KIF19: variants seen among roughly 807,000 people sequenced by gnomAD.
The protein encoded by KIF19 is kinesin-like protein KIF19.
KIF19 carries 98 observed loss-of-function variants against 106.6 expected under a neutral mutation model. The observed-to-expected ratio is 0.92, with a 90% CI of 0.78 to 1.09. The LOEUF (loss-of-function observed/expected upper bound fraction) is 1.09. Among genes scored for constraint, KIF19 ranks in the 50% least tolerant of loss-of-function variants. The pLI, the probability that KIF19 is intolerant of heterozygous loss-of-function variation, is 0.00. For missense variants in KIF19, 1,373 were observed against 1,414.3 expected, an observed-to-expected ratio of 0.97 and a Z score of 0.47; for synonymous variants, 516 against 584.2, an observed-to-expected ratio of 0.88 and a Z score of 1.68.
At chr17:74,342,999 C>T in intron 4 of KIF19, 25 bp from the exon 5 acceptor site, 1 of 1,475,180 alleles carries the variant, frequency 6.8e-7, no homozygotes, top group East Asian at 2.3e-5. Context: ...CCACCCCGGT[C>T]ACCCTCCACC....
intron 1 of KIF19, among the ~76,000 whole-genome samples, chr17:74,328,084 G>A (rs1202252164): frequency 6.6e-6 from 1 of 152,162 alleles, no homozygotes; most frequent in African/African-American, 2.4e-5. Flanking sequence ...CGTCATTCGC[G>A]GAAACACAGA....
chr17:74,344,376 C>G (rs1253641861), intron 6 of KIF19, 28 bp downstream of exon 6: 1 of 1,606,922 alleles, frequency 6.2e-7, no homozygotes. Flanking sequence ...AGCCTGGAGC[C>G]GCTGAGAGGA....
chr17:74,341,925 C>A lies in KIF19; in HGVS notation c.170C>A (p.Ala57Glu). 1 of 1,612,866 alleles carries A rather than the reference C, an allele frequency of 6.2e-7. No individual in the cohort carries two copies. Among genetic ancestry groups the A allele is most frequent in the Non-Finnish European group, 8.5e-7 (1 of 1,179,154 alleles). ...PMEDPDDILR[A>E]HRSREKSYLF... ...GAGGATCCCGACGACATCCTGCGGG[C>A]GCATCGCTCCCGGGAGAAGTCCTAC... The change falls in exon 3 of 20, where the codon GCG becomes GAG. Residue 57 changes from alanine (A) to glutamate (E), a missense_variant. Ala to Glu is a moderately radical substitution (Grantham distance 107). Coordinates refer to ENST00000389916, the MANE Select transcript of KIF19 (RefSeq NM_153209.4).
At chr17:74,333,543 G>A (rs370972345) in intron 2 of KIF19, among the ~76,000 whole-genome samples, 1 of 152,046 alleles carries the variant, frequency 6.6e-6, no homozygotes, top group African/African-American at 2.4e-5. Context: ...TGTATTTTTA[G>A]TAGAGACGGG....
chr17:74,327,866 A>T (rs2053957020), intron 1 of KIF19, among the ~76,000 whole-genome samples: 2 of 151,992 alleles, frequency 1.3e-5, no homozygotes, highest in Admixed American at 6.5e-5. Context: ...TCCCCACTCC[A>T]CCCTGTTCTT....
At position 74,331,513 on chromosome 17, in the gene KIF19, G is replaced by A. The variant is rs570786868; in HGVS notation, c.120+3008G>A. 3.9e-5 allele frequency among the ~76,000 whole-genome samples: 6 copies of A among 152,220 alleles called. No homozygotes were observed. The highest frequency in any genetic ancestry group is 3.9e-4 in the East Asian group (2 of 5,170). On this transcript the variant is annotated intron_variant, in intron 2 of 19. Transcript: ENST00000389916. This position sits in a 1 kb window ranked among gnomAD's most constrained non-coding sequence, Gnocchi z 4.1. ...GGCAGAAGGGGACATTCCCACAGGC[G>A]GAGAGTCCTCTGGGACAGGAACCCA...
In KIF19 at chr17:74,346,117, G is replaced by T. The variant is rs1487001655; in HGVS notation, c.778-261G>T. Among the ~76,000 whole-genome samples the T allele has an allele frequency of 6.6e-6, 1 of 152,212 alleles. No homozygotes were observed. Among genetic ancestry groups the T allele is most frequent in the Non-Finnish European group, 1.5e-5 (1 of 68,036 alleles). ...TCTCATCCATGGCACTGTGTGTCAGGCCGTGCCACGGCACCTGCCCTGAGG... is the reference window on the plus strand; with the variant it reads ...TCTCATCCATGGCACTGTGTGTCAGTCCGTGCCACGGCACCTGCCCTGAGG... On this transcript the variant is annotated intron_variant, in intron 7 of 19. Transcript: ENST00000389916. The surrounding 1 kb of genome is among the most constrained non-coding windows in gnomAD (Gnocchi z 4.6).
intron 12 of KIF19, chr17:74,351,130 G>A: frequency 1.7e-6 from 1 of 573,956 alleles, no homozygotes; most frequent in Middle Eastern, 4.7e-4. Flanking sequence ...TTGCTGGGAA[G>A]ATTACATAAA....
intron 3 of KIF19, 137 bp from the exon 4 acceptor site, chr17:74,342,493 A>T: frequency 3.3e-6 from 2 of 601,398 alleles, no homozygotes; most frequent in Non-Finnish European, 5.9e-6. Flanking sequence ...CCCCTCCCCC[A>T]CCCCCCACCC....
chr17:74,328,163 A>T (rs928871806), intron 1 of KIF19, among the ~76,000 whole-genome samples: 3 of 152,266 alleles, frequency 2.0e-5, no homozygotes, highest in Admixed American at 1.3e-4. Flanking sequence ...TTTGGGCGTG[A>T]GGCTGAGGCA....
At chr17:74,336,192 C>T (rs2054216335) in intron 2 of KIF19, among the ~76,000 whole-genome samples, 1 of 152,184 alleles carries the variant, frequency 6.6e-6, no homozygotes, top group Non-Finnish European at 1.5e-5. Context: ...CCTCAGCCTC[C>T]CAAGTAGCTG....
At chr17:74,327,181 G>T (rs771223638) in intron 1 of KIF19, among the ~76,000 whole-genome samples, 1 of 152,180 alleles carries the variant, frequency 6.6e-6, no homozygotes, top group African/African-American at 2.4e-5. Context: ...CAGAAGGTGG[G>T]CAGTAAGGTA....
chr17:74,350,531 G>A lies in KIF19; in HGVS notation c.1344G>A (p.Met448Ile). Reference sequence around the variant, plus strand: ...TGCTGGAGCTGGAGAACCGCGCCATGGAGGTCCAGATTGACACCTCCCGAC... The same window carrying A: ...TGCTGGAGCTGGAGAACCGCGCCATAGAGGTCCAGATTGACACCTCCCGAC... ...RRLLELENRAMEVQIDTSRHL... is the reference protein window; with the variant it reads ...RRLLELENRAIEVQIDTSRHL... Residue 448 changes from methionine (M) to isoleucine (I), a missense_variant, in exon 11 of 20, where the codon ATG becomes ATA. Met to Ile is a conservative substitution (Grantham distance 10). Coordinates refer to ENST00000389916, the MANE Select transcript of KIF19 (RefSeq NM_153209.4). The A allele has an allele frequency of 6.2e-7, 1 of 1,612,944 alleles. No individual in the cohort carries two copies. The highest frequency in any genetic ancestry group is 8.5e-7 in the Non-Finnish European group (1 of 1,179,852).
At chr17:74,345,083 C>T in intron 7 of KIF19, 128 bp downstream of exon 7, 2 of 906,478 alleles carry the variant, frequency 2.2e-6, no homozygotes, top group Non-Finnish European at 3.3e-6. Flanking sequence ...GAGGTGGGGA[C>T]AGGGACGCTG....
chr17:74,354,022 G>A lies in KIF19; in HGVS notation c.2309-140G>A, dbSNP rs908979317. ...AAGTGAGGCTCGGAAATGGGCCCAA[G>A]TTTCTTACATAGCAAACCCCTGGAA... is the stretch of plus-strand genomic sequence containing the variant. On this transcript the variant is annotated intron_variant, in intron 17 of 19. Transcript: ENST00000389916. 4 of 953,020 alleles carry A rather than the reference G, an allele frequency of 4.2e-6. No individual in the cohort carries two copies. In the African/African-American group the frequency reaches 6.6e-5, roughly 16 times the overall value. The allele number at this position is 953,020 out of a possible 1,614,324, so 59.0% of individuals were successfully genotyped here. A position where few individuals can be genotyped will look rare whatever the true frequency, so the allele number is the denominator to read the frequency against.
chr17:74,326,468 C>T, intron 1 of KIF19, 80 bp downstream of exon 1: 1 of 1,366,986 alleles, frequency 7.3e-7, no homozygotes, highest in Non-Finnish European at 1.0e-6. Context: ...GTCCTGTCCC[C>T]TCGCCGCCAC....
At position 74,350,441 on chromosome 17, in the gene KIF19, C is replaced by T. The variant is rs1470339126; in HGVS notation, c.1254C>T (p.Gly418=). 8 of 1,608,224 alleles carry T rather than the reference C, an allele frequency of 5.0e-6. No homozygotes were observed. In the South Asian group the frequency reaches 8.9e-5, roughly 18 times the overall value. Residue 418 remains glycine (G), a synonymous_variant, in exon 11 of 20, where the codon GGC becomes GGT. Transcript: ENST00000389916. ...ACAGCGGGCAGGGTGAGAAGGCTGG[C>T]ATGGGACAGCTTCGGGAGCAGCTCG... ...QLHSGQGEKA[G]MGQLREQLAS...
At chr17:74,332,184 GTGTGT>G (rs2054103171) in intron 2 of KIF19, among the ~76,000 whole-genome samples, 1 of 44,624 alleles carries the variant, frequency 2.2e-5, no homozygotes. Context: ...ACCTCAGTGT[GTGTGT>G]GTGTGTGTGT....
intron 2 of KIF19, among the ~76,000 whole-genome samples, chr17:74,332,623 G>C (rs567039411): frequency 1.3e-5 from 2 of 152,316 alleles, no homozygotes; most frequent in South Asian, 4.1e-4. Context: ...GCCAGGTAAG[G>C]GCTCCCACCA....
Sources: gnomAD v4.1 joint callset for allele counts (sites outside exome capture counted in the v4.1 genomes callset) on GRCh38, gnomAD v4.1.1 for gene constraint, Gnocchi (gnomAD v3.1) non-coding constraint, MANE v1.5 for transcripts, NCBI Gene and HGNC (gene_info 2026-07-23, HGNC 2026-07-21) for gene names.